WWOX: variants seen among roughly 807,000 people sequenced by gnomAD.
WWOX encodes WW domain-containing oxidoreductase.
In WWOX, 69 loss-of-function variants were observed where a neutral mutation model predicts 46.2. That is an observed-to-expected ratio of 1.49 (90% CI 1.23 to 1.82). The LOEUF (loss-of-function observed/expected upper bound fraction) is 1.82, where lower values mean the gene tolerates loss of function less well. Among genes scored for constraint, WWOX ranks in the 40% most tolerant of loss-of-function variants. WWOX has a pLI of 0.00. For synonymous variants in WWOX, 359 were observed against 202.6 expected, an observed-to-expected ratio of 1.77 and a Z score of -6.56; for missense variants, 919 against 542.6, an observed-to-expected ratio of 1.69 and a Z score of -6.89.
chr16:78,585,539 A>G (rs1191155796), intron 8 of WWOX, among the ~76,000 whole-genome samples: 1 of 152,094 alleles, frequency 6.6e-6, no homozygotes, highest in African/African-American at 2.4e-5. Context: ...GTCCCTCGGT[A>G]TTGTGGTTTT....
chr16:78,989,305 A>C (rs2046838945), intron 8 of WWOX, among the ~76,000 whole-genome samples: 1 of 152,202 alleles, frequency 6.6e-6, no homozygotes, highest in South Asian at 2.1e-4. Context: ...GTTCAATATC[A>C]AGAGCTAAAT....
chr16:78,571,476 A>G lies in WWOX; in HGVS notation c.1056+138724A>G, dbSNP rs568292440. On this transcript the variant is annotated intron_variant, in intron 8 of 8. Transcript: ENST00000566780. The stretch of plus-strand genomic sequence containing the variant: ...TGTGGGCATAGGTCTTGTTTTGCCA[A>G]CTTGACATGTGGATTTTAAAGGGCA... Among the ~76,000 whole-genome samples the G allele has an allele frequency of 6.7e-4, 102 of 152,330 alleles. 2 individuals carry two copies. The South Asian group carries it at 0.02, about 30-fold the overall frequency.
intron 8 of WWOX, among the ~76,000 whole-genome samples, chr16:78,797,548 C>T (rs2050775712): frequency 6.6e-6 from 1 of 152,082 alleles, no homozygotes; most frequent in Non-Finnish European, 1.5e-5. Context: ...GTTCCAACTC[C>T]AGTCTGGCTG....
intron 8 of WWOX, among the ~76,000 whole-genome samples, chr16:78,768,848 T>A (rs2049991094): frequency 6.6e-6 from 1 of 152,078 alleles, no homozygotes; most frequent in African/African-American, 2.4e-5. Flanking sequence ...GGCTTTCCAG[T>A]CAAAGAGAAA....
chr16:78,658,251 A>C (rs1443072042), intron 8 of WWOX, among the ~76,000 whole-genome samples: 1 of 152,198 alleles, frequency 6.6e-6, no homozygotes, highest in East Asian at 1.9e-4. Context: ...TCTTTCCATG[A>C]GAAAGTATTT....
chr16:78,431,324 A>T (rs905107726), intron 7 of WWOX, among the ~76,000 whole-genome samples: 1 of 152,220 alleles, frequency 6.6e-6, no homozygotes, highest in African/African-American at 2.4e-5. Flanking sequence ...GTATAAGACT[A>T]TTGATGGTAC....
intron 5 of WWOX, among the ~76,000 whole-genome samples, chr16:78,342,309 T>C (rs9926696): frequency 0.19 from 22,147 of 119,330 alleles, 7,265 homozygotes; most frequent in Non-Finnish European, 0.24. Context: ...TCATTACATA[T>C]CCAGTGTGAG....
At chr16:78,758,683 T>C (rs2049717932) in intron 8 of WWOX, among the ~76,000 whole-genome samples, 1 of 152,126 alleles carries the variant, frequency 6.6e-6, no homozygotes, top group African/African-American at 2.4e-5. Flanking sequence ...GTGTCCCCTT[T>C]CCTCCCTGTG....
chr16:78,871,913 C>T (rs1053381423), intron 8 of WWOX, among the ~76,000 whole-genome samples: 3 of 152,294 alleles, frequency 2.0e-5, no homozygotes, highest in African/African-American at 2.4e-5. Context: ...CTGGGCCCCT[C>T]CTTTCTGGCC....
At chr16:78,513,963 C>G (rs1024020274) in intron 8 of WWOX, among the ~76,000 whole-genome samples, 1 of 150,572 alleles carries the variant, frequency 6.6e-6, no homozygotes, top group Non-Finnish European at 1.5e-5. Flanking sequence ...AAACTCTTCC[C>G]TTGCAGGTGT....
intron 8 of WWOX, among the ~76,000 whole-genome samples, chr16:78,709,329 G>C (rs912168723): frequency 5.9e-5 from 9 of 152,220 alleles, no homozygotes; most frequent in Non-Finnish European, 4.4e-5. Flanking sequence ...AGTGATCACA[G>C]AGAGAAGCTT....
chr16:78,869,613 G>A (rs1028583297), intron 8 of WWOX, among the ~76,000 whole-genome samples: 2 of 152,216 alleles, frequency 1.3e-5, no homozygotes. Flanking sequence ...GGCTCGTTGG[G>A]AAAGGGTGTC....
intron 7 of WWOX, among the ~76,000 whole-genome samples, chr16:78,428,516 G>C (rs1271176879): frequency 1.3e-5 from 2 of 152,168 alleles, no homozygotes; most frequent in East Asian, 3.8e-4. Flanking sequence ...CGTAGCAGCT[G>C]GTACTTCTCC....
intron 8 of WWOX, among the ~76,000 whole-genome samples, chr16:78,663,922 A>G (rs1255266699): frequency 6.6e-6 from 1 of 152,202 alleles, no homozygotes; most frequent in Admixed American, 6.5e-5. Flanking sequence ...GGGATAATAG[A>G]CAACGCTATC....
chr16:78,169,801 G>A (rs1401950521), intron 5 of WWOX, among the ~76,000 whole-genome samples: 1 of 152,116 alleles, frequency 6.6e-6, no homozygotes, highest in Non-Finnish European at 1.5e-5. Context: ...GGCAGGGGCG[G>A]TGGATTGAGA....
intron 8 of WWOX, among the ~76,000 whole-genome samples, chr16:78,530,980 C>G (rs993378427): frequency 6.6e-6 from 1 of 152,142 alleles, no homozygotes; most frequent in African/African-American, 2.4e-5. Flanking sequence ...ATTGATATTA[C>G]TCTGCAAATA....
intron 8 of WWOX, among the ~76,000 whole-genome samples, chr16:79,033,376 T>C (rs1300098671): frequency 6.7e-6 from 1 of 149,964 alleles, no homozygotes; most frequent in African/African-American, 2.4e-5. Flanking sequence ...TAATAGACTC[T>C]ATAATATAGA....
At chr16:78,145,674 A>T (rs370563274) in intron 4 of WWOX, among the ~76,000 whole-genome samples, 1 of 152,132 alleles carries the variant, frequency 6.6e-6, no homozygotes, top group Admixed American at 6.5e-5. Flanking sequence ...GCATCCTTCA[A>T]TCCAATCACA....
At position 78,772,620 on chromosome 16, in the gene WWOX, G is replaced by A. The variant is rs558389843; in HGVS notation, c.1056+339868G>A. Among the ~76,000 whole-genome samples the A allele has an allele frequency of 1.6e-4, 25 of 152,302 alleles. No homozygotes were observed. The South Asian group carries it at 1.9e-3, about 11-fold the overall frequency. On this transcript the variant is annotated intron_variant, in intron 8 of 8. Transcript: ENST00000566780. The stretch of plus-strand genomic sequence containing the variant: ...ACAAACAAATAAAAAAGTGGTGATT[G>A]TTATTACCAGCATGGCTACTACTAG...
Sources: gnomAD v4.1 joint callset for allele counts (sites outside exome capture counted in the v4.1 genomes callset) on GRCh38, gnomAD v4.1.1 for gene constraint, MANE v1.5 for transcripts, NCBI Gene and HGNC (gene_info 2026-07-23, HGNC 2026-07-21) for gene names.